Variants in PBX3 observed in about 807,000 individuals in gnomAD.
PBX3 encodes the protein PBX homeobox 3.
In PBX3, 14 loss-of-function variants were observed where a neutral mutation model predicts 48.5. The observed-to-expected ratio is 0.29, with a 90% CI of 0.19 to 0.45. The LOEUF is 0.45. Among genes scored for constraint, PBX3 ranks in the 20% least tolerant of loss-of-function variants. PBX3 has a pLI of 1.00. For missense variants in PBX3, 386 were observed against 546.7 expected (o/e 0.71, Z 2.93); for synonymous variants, 210 against 200.3 (o/e 1.05, Z -0.41).
At chr9:125,804,511 C>T (rs1162831604) in intron 2 of PBX3, among the ~76,000 whole-genome samples, 1 of 152,100 alleles carries the variant, frequency 6.6e-6, no homozygotes, top group Admixed American at 6.5e-5. Context: ...CTGTCTTTGT[C>T]CAGCAACCCA....
At chr9:125,880,497 T>C (rs1039871693) in intron 2 of PBX3, among the ~76,000 whole-genome samples, 2 of 152,228 alleles carry the variant, frequency 1.3e-5, no homozygotes, top group Non-Finnish European at 2.9e-5. Flanking sequence ...TTTCTCTTCA[T>C]CACCTGGTGC....
At chr9:125,763,583 C>T (rs1464162109) in intron 2 of PBX3, among the ~76,000 whole-genome samples, 4 of 152,172 alleles carry the variant, frequency 2.6e-5, no homozygotes, top group African/African-American at 7.2e-5. Context: ...GAAATCCACA[C>T]GATTCACCCT....
rs114889309 is a variant in PBX3, at chr9:125,915,845, A to G, written c.434A>G (p.Asn145Ser). 36 of 1,613,996 alleles carry G rather than the reference A, an allele frequency of 2.2e-5. No homozygotes were observed. The East Asian group carries it at 4.2e-4, about 19-fold the overall frequency. The change falls in exon 3 of 9, where the codon AAC becomes AGC. Residue 145 changes from asparagine to serine, a missense_variant. By Grantham distance (46) the Asn-to-Ser change is conservative (BLOSUM62 1). Coordinates refer to ENST00000373489, the MANE Select transcript of PBX3 (RefSeq NM_006195.6). ...AAAASGGSSD[N>S]SIEHSDYRAK... ...GCAGCCTCTGGAGGTTCTTCAGATAACTCTATTGAACACTCAGATTACAGA... is the reference window on the plus strand; with the variant it reads ...GCAGCCTCTGGAGGTTCTTCAGATAGCTCTATTGAACACTCAGATTACAGA...
intron 2 of PBX3, among the ~76,000 whole-genome samples, chr9:125,906,054 A>T: frequency 6.6e-6 from 1 of 152,044 alleles, no homozygotes. Context: ...CTTAAGAGAG[A>T]TGCATACAGA....
intron 8 of PBX3, 71 bp downstream of exon 8, chr9:125,963,172 G>C: frequency 1.3e-6 from 1 of 790,680 alleles, no homozygotes; most frequent in Non-Finnish European, 2.0e-6. Flanking sequence ...GAAATTAATA[G>C]CCATTTGACC....
In PBX3 at chr9:125,748,621, C is replaced by A; in HGVS notation, c.272C>A (p.Thr91Lys). 6.2e-7 allele frequency: 1 copy of A among 1,612,890 alleles called. No homozygotes were observed. The highest frequency in any genetic ancestry group is 8.5e-7 in the Non-Finnish European group (1 of 1,179,498). ...FSVLCEIKEK[T>K]GLSIRGAQEE... Reference sequence around the variant, plus strand: ...GTCCTGTGTGAGATCAAAGAGAAAACAGGTAAGACGCTGCGCCCCGCAGTG... The same window carrying A: ...GTCCTGTGTGAGATCAAAGAGAAAAAAGGTAAGACGCTGCGCCCCGCAGTG... Residue 91 changes from threonine to lysine, a missense_variant and splice_region_variant, in exon 2 of 9, where the codon ACA becomes AAA. Thr to Lys is a moderately conservative substitution (Grantham distance 78). This residue lies in a region of PBX3 where 69 missense variants were observed against 99.1 expected (regional missense o/e 0.70). Coordinates refer to ENST00000373489, the MANE Select transcript of PBX3 (RefSeq NM_006195.6).
intron 2 of PBX3, among the ~76,000 whole-genome samples, chr9:125,802,924 C>T (rs746064629): frequency 4.6e-5 from 7 of 151,980 alleles, no homozygotes; most frequent in African/African-American, 7.3e-5. Flanking sequence ...GGTGATCTGC[C>T]CGCCTCGGCC....
intron 2 of PBX3, among the ~76,000 whole-genome samples, chr9:125,793,395 A>ATAT (rs1837680859): frequency 1.4e-5 from 2 of 142,588 alleles, no homozygotes; most frequent in African/African-American, 2.6e-5. Context: ...ATATATATTT[A>ATAT]CTATTAAGTG....
At chr9:125,846,733 TAAA>T (rs374497355) in intron 2 of PBX3, among the ~76,000 whole-genome samples, 68 of 152,164 alleles carry the variant, frequency 4.5e-4, no homozygotes, top group African/African-American at 1.6e-3. Context: ...AAGAAATCTT[TAAA>T]AAACCATAAA....
chr9:125,898,184 A>T (rs1259918743), intron 2 of PBX3, among the ~76,000 whole-genome samples: 1 of 151,732 alleles, frequency 6.6e-6, no homozygotes, highest in Non-Finnish European at 1.5e-5. Flanking sequence ...TTTTTAGAAT[A>T]AAATTTATCA....
At chr9:125,885,289 G>C (rs752701249) in intron 2 of PBX3, among the ~76,000 whole-genome samples, 21 of 152,010 alleles carry the variant, frequency 1.4e-4, no homozygotes, top group Non-Finnish European at 2.6e-4. Flanking sequence ...TTCCTTTATG[G>C]TTTGTGATCA....
intron 2 of PBX3, among the ~76,000 whole-genome samples, chr9:125,894,526 C>G (rs558483785): frequency 1.3e-5 from 2 of 151,952 alleles, no homozygotes; most frequent in African/African-American, 2.4e-5. Flanking sequence ...TTTCTGAAAC[C>G]TAGTGTGCTT....
At chr9:125,959,990 C>T (rs1038369510) in intron 5 of PBX3, among the ~76,000 whole-genome samples, 1 of 152,180 alleles carries the variant, frequency 6.6e-6, no homozygotes, top group Admixed American at 6.5e-5. Flanking sequence ...AATCTCTCTT[C>T]CATTTGCACC....
chr9:125,751,114 C>G (rs1836363595), intron 2 of PBX3, among the ~76,000 whole-genome samples: 2 of 152,030 alleles, frequency 1.3e-5, no homozygotes, highest in Non-Finnish European at 2.9e-5. Flanking sequence ...TTTTAAAAAT[C>G]ATTTTATTTA....
intron 3 of PBX3, among the ~76,000 whole-genome samples, chr9:125,928,655 TG>T (rs1841642797): frequency 1.3e-5 from 2 of 152,074 alleles, no homozygotes; most frequent in East Asian, 3.9e-4. Flanking sequence ...TTAGTAGAGA[TG>T]GGGTTTCACT....
chr9:125,771,727 A>G (rs1013555184), intron 2 of PBX3, among the ~76,000 whole-genome samples: 8 of 152,078 alleles, frequency 5.3e-5, no homozygotes, highest in African/African-American at 1.4e-4. Flanking sequence ...GGTACTGAAT[A>G]TTTGCTATTG....
At chr9:125,816,540 CTT>C in intron 2 of PBX3, among the ~76,000 whole-genome samples, 1 of 152,284 alleles carries the variant, frequency 6.6e-6, no homozygotes. Flanking sequence ...GTATATTACT[CTT>C]GTTTTACAAA....
Position 125,799,688 on chromosome 9 carries a change from C to G in PBX3, c.274+51065C>G, listed in dbSNP as rs537492947. Among the ~76,000 whole-genome samples the G allele has an allele frequency of 3.3e-5, 5 of 152,258 alleles. 1 individual carries two copies. In the South Asian group the frequency reaches 1.0e-3, roughly 32 times the overall value. On this transcript the variant is annotated intron_variant, in intron 2 of 8. Transcript: ENST00000373489. ...TGTAATTACATGAAGACATGTAGAG[C>G]AGATTCAGCATTAGCAGATAATTCT... is the stretch of plus-strand genomic sequence containing the variant.
chr9:125,854,469 A>G (rs1054559689), intron 2 of PBX3, among the ~76,000 whole-genome samples: 1 of 152,066 alleles, frequency 6.6e-6, no homozygotes, highest in African/African-American at 2.4e-5. Flanking sequence ...AATTTAATCT[A>G]TTGGACACCC....
Sources: allele counts gnomAD v4.1 joint callset (sites outside exome capture counted in the v4.1 genomes callset), GRCh38; gene constraint gnomAD v4.1.1; regional missense constraint gnomAD v4.1.1; transcripts MANE v1.5; gene names NCBI Gene and HGNC (gene_info 2026-07-23, HGNC 2026-07-21).